The following SLC25A41 variants were observed in gnomAD, a reference collection of about 807,000 sequenced individuals.
SLC25A41 encodes solute carrier family 25 member 41, also known as mitochondrial carrier protein SCaMC-3L.
A neutral mutation model predicts 34.7 loss-of-function variants in SLC25A41; 35 were observed. The observed-to-expected ratio is 1.01, with a 90% CI of 0.77 to 1.34. The LOEUF (loss-of-function observed/expected upper bound fraction) is 1.34. Among genes scored for constraint, SLC25A41 ranks in the 40% most tolerant of loss-of-function variants. The pLI is 0.00. For synonymous variants in SLC25A41, 190 were observed against 209.9 expected, an observed-to-expected ratio of 0.91 and a Z score of 0.82; for missense variants, 492 against 489.8, an observed-to-expected ratio of 1.00 and a Z score of -0.04.
In SLC25A41 at chr19:6,429,110, ATATATATAT is replaced by A. The variant is rs1464855890; in HGVS notation, c.624+605_624+613del. ...TATATATATGTTACATATATATATAATATATATATTATATATATGTTATATATATATATA... is the reference window on the plus strand; with the variant it reads ...TATATATATGTTACATATATATATAATATATATATGTTATATATATATATA... On this transcript the variant is annotated intron_variant, in intron 4 of 6. Transcript: ENST00000321510. Among the ~76,000 whole-genome samples, 50 of 42,644 alleles carry A rather than the reference ATATATATAT, an allele frequency of 1.2e-3. 9 individuals carry two copies. Among genetic ancestry groups the A allele is most frequent in the African/African-American group, 5.0e-3 (48 of 9,668 alleles). The allele number at this position is 42,644 out of a possible 152,430, so 28.0% of individuals were successfully genotyped here.
intron 1 of SLC25A41, 100 bp from the exon 2 acceptor site, chr19:6,432,304 TC>T: frequency 7.7e-7 from 1 of 1,299,470 alleles, no homozygotes. Flanking sequence ...CCCACCCTGT[TC>T]CCCCAAGTCT....
In SLC25A41 at chr19:6,432,216, A is replaced by T. The variant is rs1012977052; in HGVS notation, c.208-12T>A. The T allele has an allele frequency of 6.2e-7, 1 of 1,609,686 alleles. No individual in the cohort carries two copies. The highest frequency in any genetic ancestry group is 1.3e-5 in the African/African-American group (1 of 74,830). On this transcript the variant is annotated splice_polypyrimidine_tract_variant and intron_variant, in intron 1 of 6. Transcript: ENST00000321510. ...CCTGTGTCCAGTACCTGCAGGGCAG[A>T]CCCGGCCCTCCCTCATCCTCAGCCA...
chr19:6,429,450 A>AG (rs1466622039), intron 4 of SLC25A41, among the ~76,000 whole-genome samples: 1 of 2,482 alleles, frequency 4.0e-4, no homozygotes, highest in Non-Finnish European at 8.6e-4. Flanking sequence ...AAGGAGGAGG[A>AG]AGAAAGGAGG....
rs78695937 is a variant in SLC25A41 at position 6,426,206 on chromosome 19, C to T, written c.*183G>A. 0.021 allele frequency: 12,976 copies of T among 624,546 alleles called. 321 individuals are homozygous for T. Among genetic ancestry groups the T allele is most frequent in the African/African-American group, 0.077 (4,137 of 54,050 alleles). The allele number at this position is 624,546 out of a possible 1,614,324, so 38.7% of individuals were successfully genotyped here. A position where few individuals can be genotyped will look rare whatever the true frequency, so the allele number is the denominator to read the frequency against. ...CTGACCCAGCACTGCCCCCCTCCAC[C>T]CACCACCAACCCCAGCTTCAGGAAT... On this transcript the variant is annotated 3_prime_UTR_variant, in exon 7 of 7. Coordinates refer to ENST00000321510, the MANE Select transcript of SLC25A41 (RefSeq NM_173637.4).
In SLC25A41 at chr19:6,429,121, ATATATATGT is replaced by A. The variant is rs1568349724; in HGVS notation, c.624+594_624+602del. ...TACATATATATATAATATATATATTATATATATGTTATATATATATATAATATATATATT... is the reference window on the plus strand; with the variant it reads ...TACATATATATATAATATATATATTATATATATATATATAATATATATATT... On this transcript the variant is annotated intron_variant, in intron 4 of 6. Transcript: ENST00000321510. Among the ~76,000 whole-genome samples, 31 of 53,238 alleles carry A rather than the reference ATATATATGT, an allele frequency of 5.8e-4. 6 individuals carry two copies. Among genetic ancestry groups the A allele is most frequent in the African/African-American group, 2.9e-3 (27 of 9,266 alleles). 34.9% of individuals were successfully genotyped at this position (53,238 alleles called of 152,430 possible). A position where few individuals can be genotyped will look rare whatever the true frequency, so the allele number is the denominator to read the frequency against.
At chr19:6,433,466 A>C in intron 1 of SLC25A41, 21 bp downstream of exon 1, 2 of 1,610,634 alleles carry the variant, frequency 1.2e-6, no homozygotes, top group Non-Finnish European at 1.7e-6. Context: ...GTGCCGGGAC[A>C]CTGGTGTTTC....
intron 4 of SLC25A41, among the ~76,000 whole-genome samples, chr19:6,428,726 T>G (rs2092256160): frequency 6.8e-6 from 1 of 146,164 alleles, no homozygotes; most frequent in Non-Finnish European, 1.5e-5. Context: ...TATATATTTT[T>G]TTTGAGACAG....
At chr19:6,434,423 C>A (rs1435200864), upstream of SLC25A41, among the ~76,000 whole-genome samples, 1 of 152,146 alleles carries the variant, frequency 6.6e-6, no homozygotes, top group Non-Finnish European at 1.5e-5. Context: ...TGGGAGGACG[C>A]AGCAAGAAGG....
At chr19:6,432,010 C>G (rs1469662512) in intron 2 of SLC25A41, 39 bp downstream of exon 2, 1 of 1,583,382 alleles carries the variant, frequency 6.3e-7, no homozygotes, top group Admixed American at 1.8e-5. Context: ...CCCAGTGGCT[C>G]CAGCGCTGGG....
At position 6,426,337 on chromosome 19, in the gene SLC25A41, A is replaced by C; in HGVS notation, c.*52T>G. On this transcript the variant is annotated 3_prime_UTR_variant, in exon 7 of 7. Coordinates refer to ENST00000321510, the MANE Select transcript of SLC25A41 (RefSeq NM_173637.4). ...CGAGGGCTCTTTGGGGCCAGGGGTC[A>C]TCAGGTCCTCCTGTCCCATTTCTGC... 6.5e-7 allele frequency: 1 copy of C among 1,527,960 alleles called. No individual in the cohort carries two copies. Among genetic ancestry groups the C allele is most frequent in the East Asian group, 2.5e-5 (1 of 39,930 alleles). 94.7% of individuals were successfully genotyped at this position (1,527,960 alleles called of 1,614,324 possible). A position where few individuals can be genotyped will look rare whatever the true frequency, so the allele number is the denominator to read the frequency against.
rs772269169 is a variant in SLC25A41 at position 6,430,071 on chromosome 19, T to C, written c.454A>G (p.Asn152Asp). Residue 152 changes from asparagine to aspartate, a missense_variant, in exon 3 of 7, where the codon AAC becomes GAC. By Grantham distance (23) the Asn-to-Asp change is conservative. Coordinates refer to ENST00000321510, the MANE Select transcript of SLC25A41 (RefSeq NM_173637.4). Reference protein sequence around the residue: ...EGGFRSLWRGNGINVLKIAPE... With the variant: ...EGGFRSLWRGDGINVLKIAPE... ...GCAATCTTGAGCACGTTGATGCCGT[T>C]GCCCCGCCACAGGGAGCGGAAGCCG... The C allele has an allele frequency of 1.9e-6, 3 of 1,612,018 alleles. No homozygotes were observed. The East Asian group carries it at 6.7e-5, about 36-fold the overall frequency.
At chr19:6,428,904 G>T (rs1424290815) in intron 4 of SLC25A41, among the ~76,000 whole-genome samples, 2 of 140,590 alleles carry the variant, frequency 1.4e-5, no homozygotes, top group Admixed American at 7.9e-5. Context: ...TAAAGATGGG[G>T]TCTTGCTATA....
At position 6,432,387 on chromosome 19, in the gene SLC25A41, G is replaced by A. The variant is rs145678597; in HGVS notation, c.208-183C>T. ...GAGTGCAGTGGCACAATCTCAGCTC[G>A]TTGCAACCTCCACCTCCCAGGTTCA... On this transcript the variant is annotated intron_variant, in intron 1 of 6. Coordinates refer to ENST00000321510, the MANE Select transcript of SLC25A41 (RefSeq NM_173637.4). Among the ~76,000 whole-genome samples, 1,388 of 150,336 alleles carry A rather than the reference G, an allele frequency of 9.2e-3. 10 individuals carry two copies. The highest frequency in any genetic ancestry group is 0.015 in the Non-Finnish European group (1,005 of 67,786).
intron 1 of SLC25A41, 111 bp downstream of exon 1, chr19:6,433,376 G>C: frequency 5.4e-6 from 6 of 1,110,554 alleles, no homozygotes; most frequent in South Asian, 3.8e-5. Context: ...CTTCAAGGTG[G>C]AATTCTAGGT....
In SLC25A41 at chr19:6,433,674, T is replaced by G; in HGVS notation, c.20A>C (p.Glu7Ala). ...GATCCTAGAGCAAGTGTTCTGAGGT[T>G]CCCCAGGCTGAGCGCCCATGGAGGA... is the stretch of plus-strand genomic sequence containing the variant. Reference protein sequence around the residue: MGAQPGEPQNTCSRIQT... With the variant: MGAQPGAPQNTCSRIQT... The change falls in exon 1 of 7, where the codon GAA becomes GCA. Residue 7 changes from glutamate to alanine, a missense_variant. Physicochemically the swap from Glu to Ala is moderately radical, Grantham distance 107. Transcript: ENST00000321510. 6.4e-7 allele frequency: 1 copy of G among 1,571,308 alleles called. No homozygotes were observed. Among genetic ancestry groups the G allele is most frequent in the Non-Finnish European group, 8.7e-7 (1 of 1,154,722 alleles).
chr19:6,431,950 A>G (rs1244437679), intron 2 of SLC25A41, 99 bp downstream of exon 2: 1 of 1,449,602 alleles, frequency 6.9e-7, no homozygotes, highest in African/African-American at 1.4e-5. Context: ...CAGCACTCCT[A>G]TCCTGAACTC....
chr19:6,435,483 G>A (rs1251727075), upstream of SLC25A41, among the ~76,000 whole-genome samples: 1 of 149,960 alleles, frequency 6.7e-6, no homozygotes, highest in Non-Finnish European at 1.5e-5. Flanking sequence ...CACTTTGGGA[G>A]GCCAAGGCAG....
chr19:6,432,473 ATT>A (rs34519561), intron 1 of SLC25A41, among the ~76,000 whole-genome samples: 26,728 of 79,334 alleles, frequency 0.34, 4,068 homozygotes, highest in East Asian at 0.51. Flanking sequence ...ACAACACCTA[ATT>A]TTTTTTTTTT....
rs2092241446 is a variant in SLC25A41 at position 6,426,469 on chromosome 19, G to C, written c.1033C>G (p.Pro345Ala). ...GCTGGTAAGACCTTCAGTAGCGTGG[G>C]GGTCATGCCTCGGTACAGCCCTAGC... ...GWLGLYRGMT[P>A]TLLKVLPAGG... The change falls in exon 7 of 7, where the codon CCC becomes GCC. Residue 345 changes from proline to alanine, a missense_variant. Pro to Ala is a conservative substitution (Grantham distance 27). Transcript: ENST00000321510. 1.9e-6 allele frequency: 3 copies of C among 1,613,672 alleles called. No homozygotes were observed. In the South Asian group the frequency reaches 3.3e-5, roughly 18 times the overall value.
Sources: allele counts gnomAD v4.1 joint callset (sites outside exome capture counted in the v4.1 genomes callset), GRCh38; gene constraint gnomAD v4.1.1; transcripts MANE v1.5; gene names NCBI Gene and HGNC (gene_info 2026-07-23, HGNC 2026-07-21).